ARID1B: variants seen among roughly 807,000 people sequenced by gnomAD.
The protein encoded by ARID1B is AT-rich interaction domain 1B.
ARID1B carries 30 observed loss-of-function variants against 212.3 expected under a neutral mutation model. That is an observed-to-expected ratio of 0.14 (90% CI 0.11 to 0.19). The LOEUF (loss-of-function observed/expected upper bound fraction) is 0.19, where lower values mean the gene tolerates loss of function less well. Ranked by LOEUF, ARID1B falls within the 10% of genes least tolerant of loss-of-function variation. The probability of loss-of-function intolerance (pLI) is 1.00; values close to 1 mark genes in which losing one functional copy is unlikely to be tolerated. For missense variants in ARID1B, 2,891 were observed against 3,204.0 expected (o/e 0.90, Z 2.36); for synonymous variants, 1,402 against 1,301.7 (o/e 1.08, Z -1.66).
intron 1 of ARID1B, among the ~76,000 whole-genome samples, chr6:156,811,361 GATTT>G (rs1781542405): frequency 6.6e-6 from 1 of 152,030 alleles, no homozygotes; most frequent in Non-Finnish European, 1.5e-5. Flanking sequence ...AAATCCCATG[GATTT>G]ATTTTAGAAT....
At chr6:156,833,954 T>G (rs753826029) in intron 2 of ARID1B, among the ~76,000 whole-genome samples, 8 of 152,230 alleles carry the variant, frequency 5.3e-5, no homozygotes, top group Non-Finnish European at 1.0e-4. Context: ...GAGACAAACA[T>G]TACAATTGTT....
In ARID1B at chr6:157,190,189, C is replaced by A. The variant is rs1259710749; in HGVS notation, c.4210C>A (p.Pro1404Thr). 1.2e-6 allele frequency: 2 copies of A among 1,613,020 alleles called. No individual in the cohort carries two copies. The highest frequency in any genetic ancestry group is 1.3e-5 in the African/African-American group (1 of 75,032). Residue 1404 changes from proline (P) to threonine (T), a missense_variant, in exon 15 of 20, where the codon CCC becomes ACC. Around this residue, in one of 7 missense-constraint regions of ARID1B, gnomAD observed 666 missense variants for 873.5 expected, o/e 0.76. Coordinates refer to ENST00000636930, the MANE Select transcript of ARID1B (RefSeq NM_001374828.1). The surrounding 1 kb of genome is among the most constrained non-coding windows in gnomAD (Gnocchi z 4.6). ...GATGCCCTATGAGCCCAACAAGGAC[C>A]CCTTTGGGGGAATGAGAAAAGGTAC... ...GRMPYEPNKDPFGGMRKVPGS... is the reference protein window; with the variant it reads ...GRMPYEPNKDTFGGMRKVPGS...
chr6:157,099,494 G>A (rs1319941778), intron 5 of ARID1B, among the ~76,000 whole-genome samples: 1 of 152,136 alleles, frequency 6.6e-6, no homozygotes, highest in African/African-American at 2.4e-5. Context: ...GAGTTATGAG[G>A]AGGACCCATG....
In ARID1B at chr6:156,778,392, G is replaced by A. The variant is rs1378351788; in HGVS notation, c.712G>A (p.Glu238Lys). 5.9e-6 allele frequency: 9 copies of A among 1,535,622 alleles called. No homozygotes were observed. The highest frequency in any genetic ancestry group is 7.0e-6 in the Non-Finnish European group (8 of 1,145,540). The change falls in exon 1 of 20, where the codon GAG (glutamate) becomes AAG (lysine). Residue 238 changes from glutamate to lysine, a missense_variant. Physicochemically the swap from Glu to Lys is moderately conservative, Grantham distance 56 (BLOSUM62 1). Coordinates refer to ENST00000636930, the MANE Select transcript of ARID1B (RefSeq NM_001374828.1). ...CGCGCCTCAGCCCGGCCCCGACATG[G>A]AGCAGCCGCAACATGGAGGCGCCAA... ...GGAPQPGPDMEQPQHGGAKDS... is the reference protein window; with the variant it reads ...GGAPQPGPDMKQPQHGGAKDS...
intron 1 of ARID1B, among the ~76,000 whole-genome samples, chr6:156,799,020 A>G (rs1168589090): frequency 6.6e-6 from 1 of 152,188 alleles, no homozygotes; most frequent in African/African-American, 2.4e-5. Context: ...CCTACCATAT[A>G]TTTATAAAAA....
rs773465997 is a variant in ARID1B at position 156,829,221 on chromosome 6, T to C, written c.1792-6T>C. 28 of 1,606,876 alleles carry C rather than the reference T, an allele frequency of 1.7e-5. No homozygotes were observed. The highest frequency in any genetic ancestry group is 8.0e-5 in the African/African-American group (6 of 74,770). ...TAATAAACCGACTTCTTTTATGTCT[T>C]CACAGGGCAGCCCAATGGATCCAAT... On this transcript the variant is annotated splice_polypyrimidine_tract_variant and splice_region_variant and intron_variant, in intron 1 of 19. Transcript: ENST00000636930.
intron 16 of ARID1B, 28 bp from the exon 17 acceptor site, chr6:157,198,783 T>C (rs1271620406): frequency 6.4e-7 from 1 of 1,568,120 alleles, no homozygotes; most frequent in African/African-American, 1.3e-5. Context: ...TTTTCTCAGT[T>C]AAGTTTTCTT....
intron 7 of ARID1B, among the ~76,000 whole-genome samples, chr6:157,135,911 G>A (rs1788872320): frequency 6.6e-6 from 1 of 152,112 alleles, no homozygotes; most frequent in Non-Finnish European, 1.5e-5. Context: ...GATGTCATCA[G>A]TCTCCTTTTT....
At chr6:157,069,895 C>G (rs1379350457) in intron 4 of ARID1B, among the ~76,000 whole-genome samples, 1 of 152,154 alleles carries the variant, frequency 6.6e-6, no homozygotes, top group South Asian at 2.1e-4. Context: ...GCGTCCTAGC[C>G]TATACGAATA....
rs73578012 is a variant in ARID1B at position 156,975,571 on chromosome 6, T to C, written c.2247+39995T>C. On this transcript the variant is annotated intron_variant, in intron 4 of 19. Coordinates refer to ENST00000636930, the MANE Select transcript of ARID1B (RefSeq NM_001374828.1). ...GCCTCATTTTCAAAAGACATTTTTT[T>C]CCACCGGATATAGAATTTTAGTTTG... Among the ~76,000 whole-genome samples the C allele has an allele frequency of 3.6e-3, 540 of 151,716 alleles. 6 individuals are homozygous for C. Among genetic ancestry groups the C allele is most frequent in the African/African-American group, 0.012 (504 of 41,386 alleles).
intron 2 of ARID1B, among the ~76,000 whole-genome samples, chr6:156,851,269 A>AT (rs1784563801): frequency 6.6e-6 from 1 of 152,106 alleles, no homozygotes; most frequent in South Asian, 2.1e-4. Context: ...AAGATACCCT[A>AT]TTTGTTCTCC....
intron 4 of ARID1B, among the ~76,000 whole-genome samples, chr6:157,059,452 A>T (rs1056778928): frequency 1.3e-5 from 2 of 152,258 alleles, no homozygotes; most frequent in South Asian, 4.1e-4. Flanking sequence ...AGTATACTGC[A>T]GAATATGAGG....
chr6:156,797,792 T>C (rs1350871635), intron 1 of ARID1B, among the ~76,000 whole-genome samples: 1 of 152,146 alleles, frequency 6.6e-6, no homozygotes, highest in African/African-American at 2.4e-5. Flanking sequence ...AGGTGCCAGC[T>C]GAGAGGCCAA....
At chr6:156,948,597 C>T (rs1793343657) in intron 4 of ARID1B, among the ~76,000 whole-genome samples, 1 of 152,164 alleles carries the variant, frequency 6.6e-6, no homozygotes, top group Non-Finnish European at 1.5e-5. Context: ...ATGTTGACAT[C>T]CTCAATTAAG....
intron 1 of ARID1B, among the ~76,000 whole-genome samples, chr6:156,821,067 C>G (rs1324023530): frequency 6.6e-6 from 1 of 152,178 alleles, no homozygotes; most frequent in Non-Finnish European, 1.5e-5. Flanking sequence ...TGATGTCAAG[C>G]TAGAAAATGC....
chr6:156,918,354 A>G (rs1790522205), intron 3 of ARID1B, among the ~76,000 whole-genome samples: 2 of 152,164 alleles, frequency 1.3e-5, no homozygotes, highest in Non-Finnish European at 2.9e-5. Flanking sequence ...TTAACCTTAC[A>G]AGGCCTGTGG....
In ARID1B at chr6:157,084,865, C is replaced by T. The variant is rs1430779504; in HGVS notation, c.2451C>T (p.Asn817=). 6.2e-7 allele frequency: 1 copy of T among 1,614,030 alleles called. No individual in the cohort carries two copies. The highest frequency in any genetic ancestry group is 1.3e-5 in the African/African-American group (1 of 74,912). ...CTGTTGGCTCTCCTGTAGGAAGCAA[C>T]CAGTCTCGATCTGGCCCAATCTCTC... The part of the protein sequence containing the change: ...PSPVGSPVGS[N]QSRSGPISPA... Residue 817 remains asparagine (N), a synonymous_variant, in exon 5 of 20, where the codon AAC becomes AAT. Transcript: ENST00000636930.
intron 4 of ARID1B, among the ~76,000 whole-genome samples, chr6:157,070,640 A>C (rs1379206495): frequency 6.6e-6 from 1 of 152,234 alleles, no homozygotes; most frequent in Non-Finnish European, 1.5e-5. Flanking sequence ...GTTCTGGAGC[A>C]TGCGGCAGTA....
At chr6:157,035,237 A>G (rs1210525820) in intron 4 of ARID1B, among the ~76,000 whole-genome samples, 1 of 152,258 alleles carries the variant, frequency 6.6e-6, no homozygotes, top group Non-Finnish European at 1.5e-5. Context: ...TTGCAAAGTT[A>G]AACTGTAATA....
Sources: allele counts gnomAD v4.1 joint callset (sites outside exome capture counted in the v4.1 genomes callset), GRCh38; gene constraint gnomAD v4.1.1; regional missense constraint gnomAD v4.1.1; non-coding constraint Gnocchi (gnomAD v3.1); transcripts MANE v1.5; gene names NCBI Gene and HGNC (gene_info 2026-07-23, HGNC 2026-07-21).